Variants in TIAM1 observed in about 807,000 individuals in gnomAD.
TIAM1 encodes the protein rho guanine nucleotide exchange factor TIAM1.
Under a neutral mutation model 163.5 loss-of-function variants are expected in TIAM1, and 65 were observed. The ratio of observed to expected loss-of-function variants is 0.40; its 90% CI spans 0.33 to 0.49. The LOEUF (loss-of-function observed/expected upper bound fraction) is 0.49, where lower values mean the gene tolerates loss of function less well. Ranked by LOEUF, TIAM1 falls within the 20% of genes least tolerant of loss-of-function variation. The pLI, the probability that TIAM1 is intolerant of heterozygous loss-of-function variation, is 0.77. For synonymous variants in TIAM1, 833 were observed against 810.1 expected, an observed-to-expected ratio of 1.03 and a Z score of -0.48; for missense variants, 1,789 against 2,044.7, an observed-to-expected ratio of 0.87 and a Z score of 2.41.
At chr21:31,530,565 T>A (rs2047937478) in intron 1 of TIAM1, among the ~76,000 whole-genome samples, 1 of 151,590 alleles carries the variant, frequency 6.6e-6, no homozygotes, top group African/African-American at 2.4e-5. Context: ...CGAAGATGAA[T>A]GGAGATCTAC....
intron 2 of TIAM1, among the ~76,000 whole-genome samples, chr21:31,352,869 T>C (rs948286453): frequency 2.4e-4 from 34 of 140,716 alleles, no homozygotes; most frequent in African/African-American, 9.3e-4. Flanking sequence ...ATTAAGACTC[T>C]GTCTCAAAAA....
At chr21:31,372,916 G>A (rs894228575) in intron 2 of TIAM1, among the ~76,000 whole-genome samples, 2 of 152,032 alleles carry the variant, frequency 1.3e-5, no homozygotes, top group African/African-American at 4.8e-5. Context: ...TTAGCCAGGC[G>A]TGGTGGCGCA....
intron 6 of TIAM1, 42 bp downstream of exon 6, chr21:31,245,446 T>G: frequency 7.6e-7 from 1 of 1,322,198 alleles, no homozygotes; most frequent in Non-Finnish European, 9.8e-7. Flanking sequence ...GGTAGCCAGT[T>G]CAGAGGTTTG....
chr21:31,476,379 G>C (rs1317393720), intron 1 of TIAM1, among the ~76,000 whole-genome samples: 2 of 152,268 alleles, frequency 1.3e-5, no homozygotes, highest in South Asian at 4.1e-4. Context: ...TGGAACGGAA[G>C]GAAGAGAAAC....
intron 2 of TIAM1, among the ~76,000 whole-genome samples, chr21:31,432,089 TC>T: frequency 1.4e-5 from 2 of 146,144 alleles, no homozygotes; most frequent in Admixed American, 7.0e-5. Context: ...AATCTAAGAT[TC>T]CTTTTTTTTT....
At chr21:31,427,631 G>A (rs2043842728) in intron 2 of TIAM1, among the ~76,000 whole-genome samples, 1 of 151,880 alleles carries the variant, frequency 6.6e-6, no homozygotes, top group Admixed American at 6.6e-5. Flanking sequence ...AGACCAGACT[G>A]GGCATCATAA....
chr21:31,178,262 A>G (rs2084855108), intron 15 of TIAM1, among the ~76,000 whole-genome samples: 3 of 149,712 alleles, frequency 2.0e-5, no homozygotes, highest in African/African-American at 7.3e-5. Flanking sequence ...CTCCACCAGC[A>G]GGTCCAATTG....
rs75812896 is a variant in TIAM1 at position 31,123,397 on chromosome 21, G to A, written c.4306+1125C>T. ...CCATGGCGACCCCATGCGAAACTGC[G>A]CATATGGACGTATGAAAGACTCTTA... On this transcript the variant is annotated intron_variant, in intron 27 of 27. Transcript: ENST00000541036. Among the ~76,000 whole-genome samples the A allele has an allele frequency of 5.5e-3, 836 of 152,272 alleles. 7 individuals carry two copies. The highest frequency in any genetic ancestry group is 0.019 in the African/African-American group (800 of 41,542).
chr21:31,228,309 A>G (rs913352510), intron 6 of TIAM1, among the ~76,000 whole-genome samples: 2 of 148,152 alleles, frequency 1.3e-5, no homozygotes, highest in African/African-American at 4.9e-5. Flanking sequence ...TGGCAAAGAT[A>G]TGGAGTAACC....
intron 2 of TIAM1, among the ~76,000 whole-genome samples, chr21:31,293,373 T>C (rs1357505736): frequency 6.6e-6 from 1 of 152,130 alleles, no homozygotes; most frequent in East Asian, 1.9e-4. Flanking sequence ...AGATGTTAAT[T>C]ACATCCAAAC....
At chr21:31,427,117 G>T (rs910104025) in intron 2 of TIAM1, among the ~76,000 whole-genome samples, 1 of 151,870 alleles carries the variant, frequency 6.6e-6, no homozygotes, top group Admixed American at 6.6e-5. Flanking sequence ...ACAAGATCTC[G>T]CAATATTGCC....
chr21:31,378,269 G>A (rs951259505), intron 2 of TIAM1, among the ~76,000 whole-genome samples: 1 of 151,832 alleles, frequency 6.6e-6, no homozygotes, highest in Non-Finnish European at 1.5e-5. Flanking sequence ...ACAATCCCTA[G>A]ATAGGTAACA....
At chr21:31,280,670 T>G (rs1257249013) in intron 2 of TIAM1, among the ~76,000 whole-genome samples, 1 of 152,100 alleles carries the variant, frequency 6.6e-6, no homozygotes, top group African/African-American at 2.4e-5. Flanking sequence ...GGCTGAGAAG[T>G]CCCACTGCTC....
At chr21:31,174,479 C>T (rs1002272609) in intron 15 of TIAM1, among the ~76,000 whole-genome samples, 1 of 152,202 alleles carries the variant, frequency 6.6e-6, no homozygotes. Context: ...AAGGATCTGA[C>T]TCTGCAACTC....
chr21:31,385,671 C>G (rs1360368874), intron 2 of TIAM1, among the ~76,000 whole-genome samples: 2 of 149,452 alleles, frequency 1.3e-5, no homozygotes, highest in East Asian at 3.9e-4. Flanking sequence ...CTCACCCAGT[C>G]TTGGCATCAA....
chr21:31,489,685 T>C (rs902041415), intron 1 of TIAM1, among the ~76,000 whole-genome samples: 3 of 66 alleles, frequency 0.045, no homozygotes, highest in Non-Finnish European at 0.11. Flanking sequence ...ACAGCACACC[T>C]GTAAGGATCC....
At chr21:31,390,716 T>C (rs578107049) in intron 2 of TIAM1, among the ~76,000 whole-genome samples, 1 of 152,320 alleles carries the variant, frequency 6.6e-6, no homozygotes, top group African/African-American at 2.4e-5. Context: ...TAAATGTATA[T>C]TTTGCTGTTT....
At chr21:31,488,347 G>A (rs1029920045) in intron 1 of TIAM1, among the ~76,000 whole-genome samples, 7 of 152,164 alleles carry the variant, frequency 4.6e-5, no homozygotes, top group African/African-American at 7.2e-5. Flanking sequence ...CAGGCAGTCC[G>A]ACCCCAGTCA....
At chr21:31,427,891 G>C (rs1249341882) in intron 2 of TIAM1, among the ~76,000 whole-genome samples, 3 of 151,976 alleles carry the variant, frequency 2.0e-5, no homozygotes, top group Non-Finnish European at 4.4e-5. Flanking sequence ...TGTAGAAAGG[G>C]AACGAAAAAC....
Sources: allele counts gnomAD v4.1 joint callset (sites outside exome capture counted in the v4.1 genomes callset), GRCh38; gene constraint gnomAD v4.1.1; transcripts MANE v1.5; gene names NCBI Gene and HGNC (gene_info 2026-07-23, HGNC 2026-07-21).